Variants in UPF3B observed in about 807,000 individuals in gnomAD.
UPF3B encodes regulator of nonsense transcripts 3B.
In UPF3B, 7 loss-of-function variants were observed where a neutral mutation model predicts 40.3. That is an observed-to-expected ratio of 0.17 (90% CI 0.10 to 0.33). UPF3B has a LOEUF of 0.33. Ranked by LOEUF, UPF3B falls within the 10% of genes least tolerant of loss-of-function variation. The probability of loss-of-function intolerance (pLI) is 1.00; values close to 1 mark genes in which losing one functional copy is unlikely to be tolerated. For synonymous variants in UPF3B, 117 were observed against 117.3 expected (o/e 1.00, Z 0.01); for missense variants, 229 against 358.9 (o/e 0.64, Z 2.93).
intron 3 of UPF3B, among the ~76,000 whole-genome samples, chrX:119,845,840 A>G (rs2056221404): frequency 9.0e-6 from 1 of 111,428 alleles, no homozygotes; most frequent in African/African-American, 3.3e-5. Flanking sequence ...TGTGAATTAT[A>G]TCTCAATAAA....
chrX:119,816,668 C>G (rs1194255401), intron 4 of UPF3B, among the ~76,000 whole-genome samples: 2 of 111,621 alleles, frequency 1.8e-5, no homozygotes, highest in Non-Finnish European at 3.8e-5. Flanking sequence ...TGTTGCTTCT[C>G]CTAAGGCCAA....
At chrX:119,852,584 C>A (rs765900332) in intron 1 of UPF3B, among the ~76,000 whole-genome samples, 189 bp downstream of exon 1, 1 of 112,972 alleles carries the variant, frequency 8.9e-6, no homozygotes, top group South Asian at 3.6e-4. Flanking sequence ...CTCACCCCCA[C>A]CCAGGATTTG....
intron 4 of UPF3B, among the ~76,000 whole-genome samples, chrX:119,821,339 T>C (rs2055916673): frequency 8.9e-6 from 1 of 112,810 alleles, no homozygotes; most frequent in African/African-American, 3.2e-5. Flanking sequence ...CTCAGGCATT[T>C]ATTTATAGCA....
In UPF3B at chrX:119,807,027, TAAAAAAA is replaced by T. The variant is rs1191950024; in HGVS notation, c.*11+441_*11+447del. ...CTGGGCAACAGGGTGAGACCCTGTC[TAAAAAAA>T]AAAAAAAAAAAAAAAAAGAAAAAAA... On this transcript the variant is annotated intron_variant, in intron 6 of 6. Coordinates refer to the UPF3B transcript ENST00000636792. Among the ~76,000 whole-genome samples the T allele has an allele frequency of 7.4e-3, 158 of 21,408 alleles. 1 individual carries two copies. The highest frequency in any genetic ancestry group is 9.6e-3 in the South Asian group (3 of 312). 18.6% of individuals were successfully genotyped at this position (21,408 alleles called of 115,157 possible). A position where few individuals can be genotyped will look rare whatever the true frequency, so the allele number is the denominator to read the frequency against.
At position 119,812,273 on chromosome X, in the gene UPF3B, C is replaced by G. The variant is rs190336760; in HGVS notation, c.602+2927G>C. Among the ~76,000 whole-genome samples, 709 of 110,635 alleles carry G rather than the reference C, an allele frequency of 6.4e-3. 8 individuals are homozygous for G. The highest frequency in any genetic ancestry group is 0.022 in the African/African-American group (676 of 30,510). ...GTCTTAAAAAAAAAAGAAAAAAATC[C>G]ACCTAGGAACTAATTGCAAGCCATG... On this transcript the variant is annotated intron_variant, in intron 5 of 6. Transcript: ENST00000636792.
rs746130492 is a variant in UPF3B at position 119,842,575 on chromosome X, A to ATC, written c.580+614_580+615dup. ...AGCCTGGGCGACAGAGCAAGACTCC[A>ATC]TCTCTCACACACACACACACACACA... On this transcript the variant is annotated intron_variant, in intron 5 of 10. Transcript: ENST00000276201. Among the ~76,000 whole-genome samples, 523 of 75,225 alleles carry ATC rather than the reference A, an allele frequency of 7.0e-3. 6 individuals are homozygous for ATC. Among genetic ancestry groups the ATC allele is most frequent in the African/African-American group, 0.026 (450 of 17,289 alleles). The allele number at this position is 75,225 out of a possible 115,157, so 65.3% of individuals were successfully genotyped here. A position where few individuals can be genotyped will look rare whatever the true frequency, so the allele number is the denominator to read the frequency against.
chrX:119,835,156 AC>A, intron 10 of UPF3B, 129 bp from the exon 11 acceptor site: 1 of 724,466 alleles, frequency 1.4e-6, no homozygotes, highest in East Asian at 3.4e-5. Flanking sequence ...ATGTGAGGGC[AC>A]GGTAAATGAC....
chrX:119,843,839 C>T (rs1354668544), intron 4 of UPF3B, among the ~76,000 whole-genome samples: 1 of 111,919 alleles, frequency 8.9e-6, no homozygotes, highest in Non-Finnish European at 1.9e-5. Context: ...ACCGTGTTTT[C>T]TTTATAAAAT....
chrX:119,821,484 A>G (rs1320738688), intron 4 of UPF3B, among the ~76,000 whole-genome samples: 1 of 112,816 alleles, frequency 8.9e-6, no homozygotes, highest in African/African-American at 3.2e-5. Context: ...CTAATACAGT[A>G]TAAAAAATTT....
Position 119,837,963 on chromosome X carries a change from G to A in UPF3B, c.1096C>T (p.Leu366=). 1 of 1,210,501 alleles carries A rather than the reference G, an allele frequency of 8.3e-7. No individual in the cohort carries two copies. Among genetic ancestry groups the A allele is most frequent in the Non-Finnish European group, 1.1e-6 (1 of 895,284 alleles). The change falls in exon 10 of 11, where the codon CTG becomes TTG. Residue 366 remains leucine (L), a synonymous_variant. Transcript: ENST00000276201. ...CGGCGCTCTTCTTCTTGCCGCTTCA[G>A]CCTCTCTCTTTCTCGAAGTATGCGC... The part of the protein sequence containing the change: ...QERILRERER[L]KRQEEERRRQ...
intron 6 of UPF3B, among the ~76,000 whole-genome samples, chrX:119,805,778 A>G (rs1273288625): frequency 3.9e-5 from 4 of 103,205 alleles, no homozygotes; most frequent in East Asian, 6.1e-4. Flanking sequence ...CAAAACCACA[A>G]TGAGATACCA....
intron 5 of UPF3B, among the ~76,000 whole-genome samples, chrX:119,812,444 C>T (rs2055834049): frequency 9.0e-6 from 1 of 111,358 alleles, no homozygotes; most frequent in South Asian, 3.8e-4. Context: ...CCCAATCTGG[C>T]TTCCCTGCCC....
At chrX:119,843,703 C>T (rs1376131027) in intron 4 of UPF3B, among the ~76,000 whole-genome samples, 1 of 112,509 alleles carries the variant, frequency 8.9e-6, no homozygotes, top group Non-Finnish European at 1.9e-5. Context: ...TCCTAGACCT[C>T]TAACATCAGA....
chrX:119,838,161 A>T, intron 9 of UPF3B, 110 bp from the exon 10 acceptor site: 1 of 1,029,090 alleles, frequency 9.7e-7, no homozygotes, highest in Non-Finnish European at 1.3e-6. Flanking sequence ...CTTTTAGAGC[A>T]GAGTGAAAAA....
chrX:119,842,580 TCACACACACACACACACACACACATA>T (rs1260252582), intron 5 of UPF3B, among the ~76,000 whole-genome samples: 4 of 71,459 alleles, frequency 5.6e-5, no homozygotes, highest in Non-Finnish European at 1.0e-4. Flanking sequence ...ACTCCATCTC[TCACACACACACACACACACACACATA>T]CACACACACA....
At chrX:119,842,146 T>C (rs992906974) in intron 5 of UPF3B, among the ~76,000 whole-genome samples, 9 of 111,954 alleles carry the variant, frequency 8.0e-5, no homozygotes, top group African/African-American at 2.9e-4. Context: ...TTTGACCCCA[T>C]AATTCCACTT....
intron 5 of UPF3B, among the ~76,000 whole-genome samples, chrX:119,814,010 C>A (rs2496196): frequency 8.9e-6 from 1 of 111,929 alleles, no homozygotes; most frequent in African/African-American, 3.2e-5. Flanking sequence ...TAATATCATT[C>A]ATCTGCTTTC....
rs1203705776 is a variant in UPF3B at position 119,841,354 on chromosome X, T to C, written c.625-96A>G. Reference sequence around the variant, plus strand: ...CATGGTAGGCCCCAACTGAATAATCTTTCCTTCCTACTTTCTACAAAGTGG... The same window carrying C: ...CATGGTAGGCCCCAACTGAATAATCCTTCCTTCCTACTTTCTACAAAGTGG... On this transcript the variant is annotated intron_variant, in intron 6 of 10. Transcript: ENST00000276201. 5 of 1,162,009 alleles carry C rather than the reference T, an allele frequency of 4.3e-6. No individual in the cohort carries two copies. The African/African-American group carries it at 5.4e-5, about 13-fold the overall frequency.
intron 5 of UPF3B, among the ~76,000 whole-genome samples, chrX:119,811,435 A>G (rs1369627571): frequency 9.1e-6 from 1 of 109,592 alleles, no homozygotes; most frequent in Admixed American, 9.7e-5. Context: ...TCACAAGGTC[A>G]AGAGATCATA....
Sources: gnomAD v4.1 joint callset for allele counts (sites outside exome capture counted in the v4.1 genomes callset) on GRCh38, gnomAD v4.1.1 for gene constraint, MANE v1.5 for transcripts, NCBI Gene and HGNC (gene_info 2026-07-23, HGNC 2026-07-21) for gene names.